Variants in NRXN1 observed in about 807,000 individuals in gnomAD.
The protein encoded by NRXN1 is neurexin-1.
A neutral mutation model predicts 150.9 loss-of-function variants in NRXN1; 39 were observed. The ratio of observed to expected loss-of-function variants is 0.26; its 90% CI spans 0.20 to 0.34. The LOEUF (loss-of-function observed/expected upper bound fraction) is 0.34. NRXN1 is among the 10% of genes least tolerant of loss of function. The pLI is 1.00. For synonymous variants in NRXN1, 924 were observed against 757.0 expected (o/e 1.22, Z -3.62); for missense variants, 1,815 against 1,949.9 (o/e 0.93, Z 1.30).
intron 17 of NRXN1, among the ~76,000 whole-genome samples, chr2:50,409,935 C>T (rs1394503910): frequency 6.6e-6 from 1 of 152,086 alleles, no homozygotes; most frequent in African/African-American, 2.4e-5. Flanking sequence ...GAGTTCAAAG[C>T]TCTCGGTATT....
At chr2:50,474,683 C>CAAAAAAAAAAAAAAAAAA (rs754558377) in intron 15 of NRXN1, among the ~76,000 whole-genome samples, 1 of 54,998 alleles carries the variant, frequency 1.8e-5, no homozygotes, top group Non-Finnish European at 3.1e-5. Flanking sequence ...ACAGAAATAG[C>CAAAAAAAAAAAAAAAAAA]AAAAAAAAAA....
chr2:50,679,522 G>A lies in NRXN1; in HGVS notation c.833-55907C>T, dbSNP rs138504083. ...TTACAAACTTTCCAAACACACTAGA[G>A]TAAAGCTCACACACCACATATTAAA... On this transcript the variant is annotated intron_variant, in intron 5 of 22. Transcript: ENST00000401669. Among the ~76,000 whole-genome samples the A allele has an allele frequency of 4.3e-3, 654 of 152,226 alleles. 4 individuals carry two copies. Among genetic ancestry groups the A allele is most frequent in the African/African-American group, 0.015 (607 of 41,548 alleles).
chr2:50,490,829 C>A (rs952831479), intron 15 of NRXN1, among the ~76,000 whole-genome samples: 1 of 152,184 alleles, frequency 6.6e-6, no homozygotes, highest in African/African-American at 2.4e-5. Flanking sequence ...AGTTCTTATA[C>A]TCTGTGAGGC....
chr2:49,955,194 T>C (rs1024308927), intron 21 of NRXN1, among the ~76,000 whole-genome samples: 3 of 152,258 alleles, frequency 2.0e-5, no homozygotes, highest in South Asian at 2.1e-4. Flanking sequence ...AAAGGCATGA[T>C]TGTCACAATT....
intron 17 of NRXN1, among the ~76,000 whole-genome samples, chr2:50,411,991 A>G (rs563249181): frequency 6.6e-6 from 1 of 152,316 alleles, no homozygotes; most frequent in African/African-American, 2.4e-5. Context: ...CTGCCTTGGG[A>G]TGCTGTTGAT....
chr2:49,953,200 C>G (rs1422829416), intron 21 of NRXN1, among the ~76,000 whole-genome samples: 6 of 152,040 alleles, frequency 3.9e-5, no homozygotes, highest in Non-Finnish European at 5.9e-5. Flanking sequence ...TGGAAATAAT[C>G]ACTTAGTTAA....
chr2:50,443,835 T>C (rs2086174371), intron 17 of NRXN1, among the ~76,000 whole-genome samples: 2 of 152,212 alleles, frequency 1.3e-5, no homozygotes, highest in African/African-American at 4.8e-5. Flanking sequence ...ATATACACTT[T>C]ATAAAATCTG....
chr2:49,940,415 C>G (rs1340143298), intron 22 of NRXN1, among the ~76,000 whole-genome samples: 2 of 152,058 alleles, frequency 1.3e-5, no homozygotes, highest in African/African-American at 2.4e-5. Context: ...ATAACAGCAG[C>G]AGCTACAATT....
chr2:50,698,706 A>G (rs1481564284), intron 5 of NRXN1, among the ~76,000 whole-genome samples: 1 of 152,174 alleles, frequency 6.6e-6, no homozygotes, highest in African/African-American at 2.4e-5. Flanking sequence ...CTGAAACAGA[A>G]TCTCATCAAC....
chr2:50,392,405 C>A (rs2081776233), intron 17 of NRXN1, among the ~76,000 whole-genome samples: 1 of 152,068 alleles, frequency 6.6e-6, no homozygotes, highest in South Asian at 2.1e-4. Context: ...ATAGCCCTGA[C>A]TGTAAAACAT....
chr2:49,931,214 A>C (rs941696323), intron 22 of NRXN1, among the ~76,000 whole-genome samples: 8 of 152,210 alleles, frequency 5.3e-5, no homozygotes, highest in Admixed American at 4.6e-4. Context: ...TCTTTAACTC[A>C]CTACTTCTCT....
rs373194050 is a variant in NRXN1 at position 50,470,062 on chromosome 2, T to C, written c.3244+2236A>G. ...GTTTGCCTCTTATTTTCTATCTCAT[T>C]GGGTATATCTGCCTGCTCTCACCAT... is the stretch of plus-strand genomic sequence containing the variant. On this transcript the variant is annotated intron_variant, in intron 16 of 22. Coordinates refer to ENST00000401669, the MANE Select transcript of NRXN1 (RefSeq NM_001330078.2). Among the ~76,000 whole-genome samples the C allele has an allele frequency of 3.6e-3, 549 of 151,810 alleles. 5 individuals are homozygous for C. The highest frequency in any genetic ancestry group is 0.013 in the African/African-American group (526 of 41,482).
intron 21 of NRXN1, among the ~76,000 whole-genome samples, chr2:50,008,623 G>T (rs951267982): frequency 2.6e-5 from 4 of 151,906 alleles, no homozygotes; most frequent in Admixed American, 2.6e-4. Context: ...TGAACACTAT[G>T]TAAGATATGC....
rs116678251 is a variant in NRXN1, at chr2:50,298,374, C to A, written c.3365-61404G>T. ...CAACACTATCCGACAGGTTATGATG[C>A]CTCAGTTTGATGACAGCTTTTTTCT... is the stretch of plus-strand genomic sequence containing the variant. On this transcript the variant is annotated intron_variant, in intron 17 of 22. Coordinates refer to ENST00000401669, the MANE Select transcript of NRXN1 (RefSeq NM_001330078.2). 6.3e-3 allele frequency among the ~76,000 whole-genome samples: 964 copies of A among 152,176 alleles called. 8 individuals are homozygous for A. The highest frequency in any genetic ancestry group is 0.022 in the African/African-American group (921 of 41,530).
intron 5 of NRXN1, among the ~76,000 whole-genome samples, chr2:50,864,964 G>C (rs1676674637): frequency 6.6e-6 from 1 of 151,884 alleles, no homozygotes; most frequent in African/African-American, 2.4e-5. Flanking sequence ...ATCACATTTT[G>C]ATAACCTGCC....
intron 5 of NRXN1, among the ~76,000 whole-genome samples, chr2:50,642,821 C>T (rs1185481733): frequency 1.3e-5 from 2 of 151,912 alleles, no homozygotes; most frequent in African/African-American, 4.8e-5. Context: ...TATTACTAGA[C>T]ATTTTTATTC....
chr2:50,970,424 T>A (rs1280847821), intron 2 of NRXN1, among the ~76,000 whole-genome samples: 1 of 152,112 alleles, frequency 6.6e-6, no homozygotes, highest in Non-Finnish European at 1.5e-5. Context: ...CATTCTTCAC[T>A]CAAATCAAAG....
intron 17 of NRXN1, among the ~76,000 whole-genome samples, chr2:50,345,917 G>A (rs539341807): frequency 6.6e-6 from 1 of 152,308 alleles, no homozygotes; most frequent in Admixed American, 6.5e-5. Flanking sequence ...TGATCCTCCG[G>A]GAGATGGGTA....
At chr2:50,210,368 G>A (rs1031445934) in intron 18 of NRXN1, among the ~76,000 whole-genome samples, 1 of 151,814 alleles carries the variant, frequency 6.6e-6, no homozygotes, top group Non-Finnish European at 1.5e-5. Flanking sequence ...GGAGATGAAT[G>A]GATTGGTGGT....
Sources: gnomAD v4.1 joint callset for allele counts (sites outside exome capture counted in the v4.1 genomes callset) on GRCh38, gnomAD v4.1.1 for gene constraint, MANE v1.5 for transcripts, NCBI Gene and HGNC (gene_info 2026-07-23, HGNC 2026-07-21) for gene names.